Variants in DGKB observed in about 807,000 individuals in gnomAD.
The protein encoded by DGKB is 90 kDa diacylglycerol kinase.
In DGKB, 67 loss-of-function variants were observed where a neutral mutation model predicts 114.3. That is an observed-to-expected ratio of 0.59 (90% CI 0.48 to 0.72). The LOEUF (loss-of-function observed/expected upper bound fraction) is 0.72, where lower values mean the gene tolerates loss of function less well. Among genes scored for constraint, DGKB ranks in the 30% least tolerant of loss-of-function variants. The probability of loss-of-function intolerance (pLI) is 0.00; values close to 1 mark genes in which losing one functional copy is unlikely to be tolerated. For synonymous variants in DGKB, 398 were observed against 323.1 expected (o/e 1.23, Z -2.49); for missense variants, 907 against 975.2 (o/e 0.93, Z 0.93).
At chr7:14,636,567 A>C (rs1810793874) in intron 13 of DGKB, among the ~76,000 whole-genome samples, 1 of 151,850 alleles carries the variant, frequency 6.6e-6, no homozygotes, top group Non-Finnish European at 1.5e-5. Flanking sequence ...GAGTACATAC[A>C]TCGGTGTGTG....
chr7:14,525,719 AG>A (rs914544705), intron 20 of DGKB, among the ~76,000 whole-genome samples: 5 of 151,994 alleles, frequency 3.3e-5, no homozygotes, highest in African/African-American at 9.7e-5. Flanking sequence ...ATAAAAAAAA[AG>A]TAGAAAAAGT....
intron 25 of DGKB, among the ~76,000 whole-genome samples, chr7:14,169,101 T>A (rs1314347119): frequency 1.3e-5 from 2 of 151,868 alleles, no homozygotes; most frequent in Non-Finnish European, 2.9e-5. Context: ...GGCTCACGCC[T>A]GTAATCCCAG....
At chr7:14,186,190 A>C (rs1024235894) in intron 23 of DGKB, among the ~76,000 whole-genome samples, 1 of 152,200 alleles carries the variant, frequency 6.6e-6, no homozygotes, top group African/African-American at 2.4e-5. Flanking sequence ...CAATCCCATC[A>C]AAAAGTGGGC....
intron 23 of DGKB, among the ~76,000 whole-genome samples, chr7:14,225,941 C>T (rs1226371032): frequency 6.6e-6 from 1 of 151,830 alleles, no homozygotes; most frequent in Non-Finnish European, 1.5e-5. Context: ...AAAAATATTA[C>T]TGTCCTCTAT....
intron 23 of DGKB, among the ~76,000 whole-genome samples, chr7:14,299,049 G>A (rs190508731): frequency 5.3e-5 from 8 of 152,258 alleles, no homozygotes; most frequent in African/African-American, 1.9e-4. Flanking sequence ...AACAACAGAT[G>A]CTGAAGAGGA....
intron 21 of DGKB, among the ~76,000 whole-genome samples, chr7:14,391,379 AG>A (rs1223287994): frequency 6.6e-6 from 1 of 152,112 alleles, no homozygotes; most frequent in East Asian, 1.9e-4. Flanking sequence ...GGAGATAAAA[AG>A]GTGACTTGAA....
At chr7:14,302,303 A>T (rs113143533) in intron 23 of DGKB, among the ~76,000 whole-genome samples, 2 of 152,126 alleles carry the variant, frequency 1.3e-5, no homozygotes, top group Non-Finnish European at 2.9e-5. Context: ...TGTTACTGCC[A>T]ATCTTCCTCT....
intron 21 of DGKB, among the ~76,000 whole-genome samples, chr7:14,378,559 C>G (rs1043240441): frequency 3.9e-5 from 6 of 152,100 alleles, no homozygotes; most frequent in African/African-American, 1.4e-4. Flanking sequence ...TTCAAAAAGT[C>G]ACTTAAATCC....
intron 13 of DGKB, among the ~76,000 whole-genome samples, chr7:14,633,342 G>A (rs952120233): frequency 6.6e-6 from 1 of 151,858 alleles, no homozygotes. Flanking sequence ...AAAGCCACCA[G>A]CCCTAAGAAT....
chr7:14,630,860 A>G (rs1215113005), intron 13 of DGKB, among the ~76,000 whole-genome samples: 2 of 151,854 alleles, frequency 1.3e-5, no homozygotes, highest in African/African-American at 4.8e-5. Flanking sequence ...TGTGTTTTCC[A>G]TTATCTACCA....
Position 14,839,074 on chromosome 7 carries a change from C to G in DGKB, c.70+2120G>C, listed in dbSNP as rs142182262. On this transcript the variant is annotated intron_variant, in intron 2 of 25. Coordinates refer to ENST00000402815, the MANE Select transcript of DGKB (RefSeq NM_001350709.2). ...AAACCCCATATAACCTTAAAGTCTG[C>G]TTGTATCACATACAATATTCTGGCT... Among the ~76,000 whole-genome samples the G allele has an allele frequency of 6.6e-5, 10 of 152,228 alleles. No homozygotes were observed. The East Asian group carries it at 7.7e-4, about 12-fold the overall frequency.
At chr7:14,848,867 T>C (rs1299103437) in intron 1 of DGKB, among the ~76,000 whole-genome samples, 1 of 152,280 alleles carries the variant, frequency 6.6e-6, no homozygotes, top group East Asian at 1.9e-4. Context: ...CACTGTGGTC[T>C]GAGGCTATTT....
intron 1 of DGKB, among the ~76,000 whole-genome samples, chr7:14,892,988 G>C (rs1587255269): frequency 6.6e-6 from 1 of 150,578 alleles, no homozygotes; most frequent in Middle Eastern, 3.4e-3. Flanking sequence ...ATAGATGTAT[G>C]TATATATGTA....
intron 21 of DGKB, among the ~76,000 whole-genome samples, chr7:14,360,816 T>G (rs1439687728): frequency 6.6e-6 from 1 of 152,096 alleles, no homozygotes; most frequent in Non-Finnish European, 1.5e-5. Flanking sequence ...AGTATACATA[T>G]ATTTTGGAAA....
At chr7:14,373,572 C>A (rs1290518062) in intron 21 of DGKB, among the ~76,000 whole-genome samples, 1 of 152,122 alleles carries the variant, frequency 6.6e-6, no homozygotes, top group African/African-American at 2.4e-5. Flanking sequence ...TACTTCCCTG[C>A]CTTAGCTATT....
intron 1 of DGKB, among the ~76,000 whole-genome samples, chr7:14,937,781 TCCTC>T (rs1785353275): frequency 1.3e-5 from 2 of 152,090 alleles, no homozygotes; most frequent in Non-Finnish European, 2.9e-5. Context: ...TACTTCTACT[TCCTC>T]TTCCTCTTCA....
intron 23 of DGKB, among the ~76,000 whole-genome samples, chr7:14,278,239 A>AAAT (rs775607444): frequency 6.7e-6 from 1 of 148,544 alleles, no homozygotes; most frequent in Non-Finnish European, 1.5e-5. Flanking sequence ...CTGAGTTAAA[A>AAAT]AATATTATGA....
chr7:14,784,667 G>A (rs575638981), intron 2 of DGKB, among the ~76,000 whole-genome samples: 2 of 152,158 alleles, frequency 1.3e-5, no homozygotes, highest in South Asian at 4.1e-4. Flanking sequence ...GTGAGCTGCC[G>A]CACCCAGTTT....
intron 1 of DGKB, among the ~76,000 whole-genome samples, chr7:14,920,523 C>T (rs575175623): frequency 3.9e-5 from 6 of 152,228 alleles, no homozygotes; most frequent in African/African-American, 1.2e-4. Context: ...AGTAGAACAA[C>T]CAGAACTTCA....
Sources: gnomAD v4.1 joint callset for allele counts (sites outside exome capture counted in the v4.1 genomes callset) on GRCh38, gnomAD v4.1.1 for gene constraint, MANE v1.5 for transcripts, NCBI Gene and HGNC (gene_info 2026-07-23, HGNC 2026-07-21) for gene names.